TXNDC16: variants seen among roughly 807,000 people sequenced by gnomAD.
TXNDC16 encodes the protein thioredoxin domain-containing protein 16.
TXNDC16 carries 74 observed loss-of-function variants against 85.6 expected under a neutral mutation model. That is an observed-to-expected ratio of 0.86 (90% CI 0.72 to 1.05). The LOEUF (loss-of-function observed/expected upper bound fraction) is 1.05, where lower values mean the gene tolerates loss of function less well. Among genes scored for constraint, TXNDC16 ranks in the 50% least tolerant of loss-of-function variants. The pLI is 0.00. For synonymous variants in TXNDC16, 335 were observed against 326.5 expected (o/e 1.03, Z -0.28); for missense variants, 959 against 947.0 (o/e 1.01, Z -0.17).
chr14:52,462,752 A>C (rs2035681472), intron 16 of TXNDC16: 1 of 354,456 alleles, frequency 2.8e-6, no homozygotes, highest in Non-Finnish European at 5.5e-6. Context: ...CTCATTTTTA[A>C]ATGTACTTCT....
At chr14:52,502,406 G>C (rs1005699107) in intron 9 of TXNDC16, among the ~76,000 whole-genome samples, 8 of 150,482 alleles carry the variant, frequency 5.3e-5, no homozygotes, top group African/African-American at 1.9e-4. Context: ...ACTCTACAAA[G>C]TACCATTGAC....
intron 14 of TXNDC16, among the ~76,000 whole-genome samples, chr14:52,479,351 C>A (rs1188991444): frequency 6.6e-6 from 1 of 151,980 alleles, no homozygotes; most frequent in East Asian, 1.9e-4. Flanking sequence ...GGCATCCAAA[C>A]TGGTAAAGAG....
chr14:52,538,242 A>G (rs1021147287), intron 4 of TXNDC16, among the ~76,000 whole-genome samples: 12 of 152,168 alleles, frequency 7.9e-5, no homozygotes, highest in Admixed American at 1.3e-4. Flanking sequence ...TTCTTGACCA[A>G]AAATAGGTAA....
At position 52,439,355 on chromosome 14, in the gene TXNDC16, A is replaced by T. The variant is rs1256556418; in HGVS notation, c.2043T>A (p.Tyr681Ter). 1 of 1,614,000 alleles carries T rather than the reference A, an allele frequency of 6.2e-7. No individual in the cohort carries two copies. Among genetic ancestry groups the T allele is most frequent in the Admixed American group, 1.7e-5 (1 of 59,988 alleles). The change falls in exon 20 of 21, where the codon TAT (tyrosine) becomes TAA (stop). Residue 681 changes from tyrosine (Y) to a stop codon, truncating the protein, a stop_gained. Coordinates refer to ENST00000281741, the MANE Select transcript of TXNDC16 (RefSeq NM_020784.3). LOFTEE classifies it high-confidence loss of function. The stretch of plus-strand genomic sequence containing the variant: ...GAGGAAGGGGAGGCAGAGGATCAAA[A>T]TATGCCCTCAAGATTCCTCTCCCCA... ...TPVGRGILRA[Y>*]FDPLPPLPLL... is the part of the protein sequence containing the mutation.
chr14:52,530,466 T>A (rs868360579), intron 6 of TXNDC16, among the ~76,000 whole-genome samples: 1 of 1,278 alleles, frequency 7.8e-4, no homozygotes, highest in Non-Finnish European at 1.1e-3. Context: ...TAATATATAT[T>A]ATATATTATT....
intron 14 of TXNDC16, among the ~76,000 whole-genome samples, chr14:52,476,475 G>T (rs2036023416): frequency 1.3e-5 from 2 of 152,002 alleles, no homozygotes; most frequent in Non-Finnish European, 2.9e-5. Context: ...CAATGAAATA[G>T]ATAGCATAAA....
chr14:52,525,957 T>G (rs899001123), intron 6 of TXNDC16, among the ~76,000 whole-genome samples: 1 of 151,968 alleles, frequency 6.6e-6, no homozygotes, highest in Non-Finnish European at 1.5e-5. Context: ...TAATACAATG[T>G]AAATGCTATG....
intron 5 of TXNDC16, 137 bp downstream of exon 5, chr14:52,537,461 AT>A: frequency 1.5e-6 from 1 of 655,216 alleles, no homozygotes; most frequent in Non-Finnish European, 2.7e-6. Context: ...TAACAAATCT[AT>A]TACTTGGACT....
chr14:52,445,066 T>C (rs2035247183), intron 18 of TXNDC16, among the ~76,000 whole-genome samples: 1 of 152,064 alleles, frequency 6.6e-6, no homozygotes, highest in Non-Finnish European at 1.5e-5. Context: ...AGAATTTAGG[T>C]TTGGGGAAAT....
chr14:52,457,496 CAG>C (rs1390639944), intron 16 of TXNDC16, among the ~76,000 whole-genome samples: 3 of 152,098 alleles, frequency 2.0e-5, no homozygotes, highest in African/African-American at 7.2e-5. Context: ...ACTCCTATGG[CAG>C]AGTAAATGGA....
chr14:52,483,003 G>T, intron 12 of TXNDC16, 38 bp from the exon 13 acceptor site: 1 of 1,529,346 alleles, frequency 6.5e-7, no homozygotes, highest in Non-Finnish European at 8.8e-7. Flanking sequence ...AAATATTGAT[G>T]TATAATGAAA....
chr14:52,514,578 CT>C (rs1384307744), intron 8 of TXNDC16, among the ~76,000 whole-genome samples: 2 of 152,108 alleles, frequency 1.3e-5, no homozygotes, highest in Admixed American at 6.5e-5. Context: ...ATTTTACCCC[CT>C]ATCTGATCAC....
At chr14:52,527,686 G>C (rs893428948) in intron 6 of TXNDC16, among the ~76,000 whole-genome samples, 3 of 152,156 alleles carry the variant, frequency 2.0e-5, no homozygotes. Flanking sequence ...AACTAGGTAT[G>C]AGGATAGCGC....
rs754075992 is a variant in TXNDC16, at chr14:52,488,463, T to C, written c.1008A>G (p.Val336=). ...AEEGVPVEFL[V]LHDVDLIISH... is the part of the protein sequence containing the mutation. ...ATATTATTAAATCAACATCATGTAA[T>C]ACCAAAAATTCCACTGGAACTCCCT... Residue 336 remains valine, a synonymous_variant, in exon 12 of 21, where the codon GTA becomes GTG. Coordinates refer to ENST00000281741, the MANE Select transcript of TXNDC16 (RefSeq NM_020784.3). The C allele has an allele frequency of 1.8e-5, 29 of 1,603,626 alleles. No homozygotes were observed. In the African/African-American group the frequency reaches 2.7e-4, roughly 15 times the overall value.
rs1314241162 is a variant in TXNDC16, at chr14:52,506,711, C to T, written c.756+4529G>A. Among the ~76,000 whole-genome samples, 8 of 143,022 alleles carry T rather than the reference C, an allele frequency of 5.6e-5. 1 individual carries two copies. The highest frequency in any genetic ancestry group is 1.9e-4 in the African/African-American group (7 of 37,566). The allele number at this position is 143,022 out of a possible 152,430, so 93.8% of individuals were successfully genotyped here. A position where few individuals can be genotyped will look rare whatever the true frequency, so the allele number is the denominator to read the frequency against. Reference sequence around the variant, plus strand: ...AGCTGGGACTACAGGCGCCCGCCACCGCGCCCGGCTAATTTTCTGTATTTT... The same window carrying T: ...AGCTGGGACTACAGGCGCCCGCCACTGCGCCCGGCTAATTTTCTGTATTTT... On this transcript the variant is annotated intron_variant, in intron 9 of 20. Transcript: ENST00000281741.
Position 52,482,855 on chromosome 14 carries a change from C to T in TXNDC16, c.1219G>A (p.Ala407Thr), listed in dbSNP as rs1190977576. Residue 407 changes from alanine to threonine, a missense_variant, in exon 13 of 21, where the codon GCT becomes ACT. Physicochemically the swap from Ala to Thr is moderately conservative, Grantham distance 58. Coordinates refer to ENST00000281741, the MANE Select transcript of TXNDC16 (RefSeq NM_020784.3). The part of the protein sequence containing the change: ...TEETFNATVM[A>T]SDSIVLFYAG... Reference sequence around the variant, plus strand: ...TAGAAGAGTACTATGCTGTCAGAAGCCATCACTGTTGCATTAAATGTTTCT... The same window carrying T: ...TAGAAGAGTACTATGCTGTCAGAAGTCATCACTGTTGCATTAAATGTTTCT... The T allele has an allele frequency of 1.9e-6, 3 of 1,611,792 alleles. No individual in the cohort carries two copies. Among genetic ancestry groups the T allele is most frequent in the Admixed American group, 3.3e-5 (2 of 59,846 alleles).
chr14:52,440,671 T>G lies in TXNDC16; in HGVS notation c.1896A>C (p.Leu632Phe), dbSNP rs1306382302. The stretch of plus-strand genomic sequence containing the variant: ...CAGTGCCATCACTGAACAAAATCAA[T>G]AATGGTTTCTGAAGTCTGAAATAAC... ...LPSYFRLQKPLLILFSDGTVN... is the reference protein window; with the variant it reads ...LPSYFRLQKPFLILFSDGTVN... Residue 632 changes from leucine to phenylalanine, a missense_variant, in exon 19 of 21, where the codon TTA (leucine) becomes TTC (phenylalanine). Transcript: ENST00000281741. 4 of 1,610,012 alleles carry G rather than the reference T, an allele frequency of 2.5e-6. No homozygotes were observed. Among genetic ancestry groups the G allele is most frequent in the Non-Finnish European group, 3.4e-6 (4 of 1,178,960 alleles).
chr14:52,446,470 A>C lies in TXNDC16; in HGVS notation c.1843-5746T>G, dbSNP rs142593428. On this transcript the variant is annotated intron_variant, in intron 18 of 20. Coordinates refer to ENST00000281741, the MANE Select transcript of TXNDC16 (RefSeq NM_020784.3). ...CTCAGGCTGGAGTGTGCTGGGGCCC[A>C]AATAAACTTGAAAGGCAGTCTAGGC... Among the ~76,000 whole-genome samples the C allele has an allele frequency of 3.0e-3, 460 of 152,282 alleles. 3 individuals carry two copies. The highest frequency in any genetic ancestry group is 0.011 in the African/African-American group (441 of 41,556).
intron 20 of TXNDC16, 73 bp from the exon 21 acceptor site, chr14:52,432,660 T>C (rs1209051331): frequency 7.6e-7 from 1 of 1,319,352 alleles, no homozygotes; most frequent in East Asian, 2.6e-5. Context: ...TAGAAAATGT[T>C]TTATTTTGAA....
Sources: allele counts gnomAD v4.1 joint callset (sites outside exome capture counted in the v4.1 genomes callset), GRCh38; gene constraint gnomAD v4.1.1; transcripts MANE v1.5; gene names NCBI Gene and HGNC (gene_info 2026-07-23, HGNC 2026-07-21).